The following BABAM2 variants were observed in gnomAD, a reference collection of about 807,000 sequenced individuals.
BABAM2 encodes the protein BRISC and BRCA1-A complex member 2.
Under a neutral mutation model 54.7 loss-of-function variants are expected in BABAM2, and 31 were observed. That is an observed-to-expected ratio of 0.57 (90% confidence interval 0.43 to 0.77). BABAM2 has a LOEUF of 0.77. BABAM2 is among the 30% of genes least tolerant of loss of function. The pLI is 0.00. For missense variants in BABAM2, 364 were observed against 455.8 expected, an observed-to-expected ratio of 0.80 and a Z score of 1.83; for synonymous variants, 167 against 162.9, an observed-to-expected ratio of 1.03 and a Z score of -0.19.
At chr2:28,011,414 GT>G (rs1674387123) in intron 4 of BABAM2, among the ~76,000 whole-genome samples, 1 of 152,018 alleles carries the variant, frequency 6.6e-6, no homozygotes, top group African/African-American at 2.4e-5. Context: ...GGGTAGTCTC[GT>G]TTTCATTCAG....
At chr2:28,131,076 A>ATTTTTTTTT (rs1179062903) in intron 7 of BABAM2, among the ~76,000 whole-genome samples, 1 of 5,126 alleles carries the variant, frequency 2.0e-4, no homozygotes, top group Non-Finnish European at 3.8e-4. Flanking sequence ...TATTATTATT[A>ATTTTTTTTT]TTATTTTTTT....
chr2:28,224,523 A>G (rs570568190), intron 7 of BABAM2, among the ~76,000 whole-genome samples: 1 of 152,234 alleles, frequency 6.6e-6, no homozygotes, highest in South Asian at 2.1e-4. Context: ...AAATTGTGGG[A>G]TGCTTCGTAC....
At chr2:28,047,933 C>T (rs1677718236) in intron 6 of BABAM2, among the ~76,000 whole-genome samples, 3 of 152,158 alleles carry the variant, frequency 2.0e-5, no homozygotes, top group Admixed American at 2.0e-4. Context: ...TATCTACATT[C>T]CTAAAGTTGT....
intron 3 of BABAM2, among the ~76,000 whole-genome samples, chr2:27,931,051 T>C (rs1427432845): frequency 6.6e-6 from 1 of 152,256 alleles, no homozygotes. Flanking sequence ...TTCTTAGTAC[T>C]ATATTCTGTA....
intron 10 of BABAM2, among the ~76,000 whole-genome samples, chr2:28,272,533 G>A (rs1461824645): frequency 6.6e-6 from 1 of 152,220 alleles, no homozygotes; most frequent in Non-Finnish European, 1.5e-5. Flanking sequence ...GTCAAATGAA[G>A]GTGACTTCAG....
chr2:28,198,716 T>G (rs889441236), intron 7 of BABAM2, among the ~76,000 whole-genome samples: 5 of 152,108 alleles, frequency 3.3e-5, no homozygotes, highest in African/African-American at 1.2e-4. Flanking sequence ...GGCCAAAACA[T>G]TTTTCACTAA....
intron 3 of BABAM2, among the ~76,000 whole-genome samples, chr2:27,937,387 A>G (rs1317250591): frequency 6.6e-6 from 1 of 152,176 alleles, no homozygotes. Flanking sequence ...TGGCCTCCCA[A>G]AGTGCTGGGA....
At chr2:28,145,023 G>A (rs1671374676) in intron 7 of BABAM2, among the ~76,000 whole-genome samples, 1 of 152,216 alleles carries the variant, frequency 6.6e-6, no homozygotes, top group Admixed American at 6.5e-5. Context: ...GATTAAAAGT[G>A]GATTTCTGGG....
chr2:27,955,678 TA>T (rs1357907187), intron 3 of BABAM2, among the ~76,000 whole-genome samples: 2 of 152,238 alleles, frequency 1.3e-5, no homozygotes, highest in African/African-American at 4.8e-5. Flanking sequence ...TCAAGGACAG[TA>T]ACATGGCCTA....
intron 7 of BABAM2, among the ~76,000 whole-genome samples, chr2:28,144,458 A>G (rs1162348795): frequency 1.3e-5 from 2 of 152,326 alleles, no homozygotes; most frequent in East Asian, 3.9e-4. Context: ...TCACAACCCC[A>G]CTTCAAACTT....
chr2:28,316,276 C>T (rs771106205), intron 11 of BABAM2, among the ~76,000 whole-genome samples: 19 of 152,046 alleles, frequency 1.2e-4, no homozygotes, highest in African/African-American at 2.9e-4. Flanking sequence ...CCTTGTCTCT[C>T]GGGTGATAAA....
chr2:28,112,147 TTACC>T (rs202043518), intron 6 of BABAM2, among the ~76,000 whole-genome samples: 420 of 5,126 alleles, frequency 0.082, 33 homozygotes, highest in East Asian at 0.31. Flanking sequence ...CTTTCTTTCT[TTACC>T]TCCCTCCCTC....
At chr2:28,248,207 C>CTTTTTTTT (rs780563394) in intron 10 of BABAM2, among the ~76,000 whole-genome samples, 40 of 54,304 alleles carry the variant, frequency 7.4e-4, no homozygotes, top group African/African-American at 2.4e-3. Context: ...TTTTCTTTTT[C>CTTTTTTTT]TTTTTTTTTT....
chr2:28,120,500 G>T (rs778966386), intron 6 of BABAM2, among the ~76,000 whole-genome samples: 4 of 152,108 alleles, frequency 2.6e-5, no homozygotes, highest in African/African-American at 4.8e-5. Flanking sequence ...TTCAAAACTC[G>T]TCTTCACCAT....
At chr2:28,027,655 C>A (rs1176653957) in intron 5 of BABAM2, among the ~76,000 whole-genome samples, 1 of 152,154 alleles carries the variant, frequency 6.6e-6, no homozygotes, top group Admixed American at 6.5e-5. Context: ...CTTTTTATGG[C>A]TGAATAATAT....
At chr2:28,227,151 A>C (rs1216846607) in intron 7 of BABAM2, among the ~76,000 whole-genome samples, 1 of 151,572 alleles carries the variant, frequency 6.6e-6, no homozygotes, top group Non-Finnish European at 1.5e-5. Flanking sequence ...TTTTTTTTTA[A>C]TCTCCAGAAC....
At chr2:28,196,632 C>T (rs577526781) in intron 7 of BABAM2, among the ~76,000 whole-genome samples, 23 of 152,012 alleles carry the variant, frequency 1.5e-4, no homozygotes, top group African/African-American at 5.5e-4. Flanking sequence ...CACTTGAGGC[C>T]AGGAGTTTGA....
chr2:28,204,731 A>C (rs1251855360), intron 7 of BABAM2, among the ~76,000 whole-genome samples: 1 of 152,204 alleles, frequency 6.6e-6, no homozygotes, highest in East Asian at 1.9e-4. Context: ...GGTATGTTCT[A>C]AGAGATGTAC....
At chr2:28,275,785 G>T (rs77139274) in intron 10 of BABAM2, among the ~76,000 whole-genome samples, 2 of 152,064 alleles carry the variant, frequency 1.3e-5, no homozygotes, top group Admixed American at 6.6e-5. Flanking sequence ...GACAGCTTAC[G>T]CATGGGCTCA....
Sources: gnomAD v4.1 joint callset for allele counts (sites outside exome capture counted in the v4.1 genomes callset) on GRCh38, gnomAD v4.1.1 for gene constraint, MANE v1.5 for transcripts, NCBI Gene and HGNC (gene_info 2026-07-23, HGNC 2026-07-21) for gene names.